Variants in ACOT12 observed in about 807,000 individuals in gnomAD.
ACOT12 encodes acetyl-coenzyme A thioesterase.
A neutral mutation model predicts 67.7 loss-of-function variants in ACOT12; 51 were observed. The observed-to-expected ratio is 0.75, with a 90% CI of 0.60 to 0.95. ACOT12 has a LOEUF of 0.95. Ranked by LOEUF, ACOT12 falls within the 40% of genes least tolerant of loss-of-function variation. The pLI is 0.00. For synonymous variants in ACOT12, 251 were observed against 244.6 expected (o/e 1.03, Z -0.24); for missense variants, 734 against 708.1 (o/e 1.04, Z -0.41).
chr5:81,346,804 C>T (rs918697289), intron 6 of ACOT12, among the ~76,000 whole-genome samples: 1 of 152,024 alleles, frequency 6.6e-6, no homozygotes, highest in Admixed American at 6.6e-5. Flanking sequence ...TAACTATAGA[C>T]ATATTAATAA....
intron 7 of ACOT12, 92 bp from the exon 8 acceptor site, chr5:81,345,133 C>A: frequency 9.1e-7 from 1 of 1,100,806 alleles, no homozygotes; most frequent in Non-Finnish European, 1.3e-6. Flanking sequence ...CCCACCGCTG[C>A]CACCTCCTCT....
rs562823451 is a variant in ACOT12, at chr5:81,394,106, C to G, written c.9G>C (p.Arg3=). The G allele has an allele frequency of 2.1e-6, 3 of 1,451,874 alleles. No individual in the cohort carries two copies. The highest frequency in any genetic ancestry group is 2.9e-5 in the African/African-American group (2 of 68,258). The allele number at this position is 1,451,874 out of a possible 1,614,324, so 89.9% of individuals were successfully genotyped here. ME[R]PAPGEVVMSQ... is the part of the protein sequence containing the mutation. The stretch of plus-strand genomic sequence containing the variant: ...TCATGACCACCTCGCCGGGCGCCGG[C>G]CGCTCCATGGCCAGGGCGAGAGCGC... Residue 3 remains arginine, a synonymous_variant, in exon 1 of 15, where the codon CGG becomes CGC. Coordinates refer to ENST00000307624, the MANE Select transcript of ACOT12 (RefSeq NM_130767.3).
In ACOT12 at chr5:81,367,443, G is replaced by A. The variant is rs369416083; in HGVS notation, c.259-3554C>T. ...CAAAGGCTGGGACATGGGAAGGGAA[G>A]TGTGTGTACTGTTATAAGGTTATTA... On this transcript the variant is annotated intron_variant, in intron 3 of 14. Coordinates refer to ENST00000307624, the MANE Select transcript of ACOT12 (RefSeq NM_130767.3). Among the ~76,000 whole-genome samples the A allele has an allele frequency of 1.0e-3, 158 of 152,290 alleles. 3 individuals are homozygous for A. In the South Asian group the frequency reaches 0.032, roughly 30 times the overall value.
intron 5 of ACOT12, among the ~76,000 whole-genome samples, chr5:81,352,777 G>A (rs62365872): frequency 2.1e-3 from 325 of 152,128 alleles, no homozygotes; most frequent in Non-Finnish European, 3.7e-3. Flanking sequence ...TGAAGGAGTG[G>A]ATACCCCATT....
rs1261302303 is a variant in ACOT12, at chr5:81,330,925, C to T, written c.1407G>A (p.Val469=). The change falls in exon 14 of 15, where the codon GTG becomes GTA. Residue 469 remains valine (V), a synonymous_variant. Transcript: ENST00000307624. ...ATGGCAAAATGACCGACTTCACTGC[C>T]ACTGTGTAAGTGTTACTGAAAGAAA... ...KPLKDGNTYT[V]AVKSVILPSV... is the part of the protein sequence containing the mutation. 4.3e-6 allele frequency: 7 copies of T among 1,611,252 alleles called. No individual in the cohort carries two copies. The African/African-American group carries it at 6.7e-5, about 15-fold the overall frequency.
At chr5:81,357,006 A>T (rs995340372) in intron 5 of ACOT12, among the ~76,000 whole-genome samples, 1 of 150,514 alleles carries the variant, frequency 6.6e-6, no homozygotes, top group Admixed American at 6.6e-5. Flanking sequence ...ACACAATCCT[A>T]CCTTCTTCCT....
At chr5:81,313,096 C>A in the ACOT12 span, 1 of 152,266 alleles carries the variant, frequency 6.6e-6, no homozygotes, top group South Asian at 2.1e-4. Flanking sequence ...GCTAGAAAGT[C>A]TATATTTTTA....
At chr5:81,342,797 A>G in intron 10 of ACOT12, 42 bp from the exon 11 acceptor site, 3 of 1,579,200 alleles carry the variant, frequency 1.9e-6, no homozygotes, top group Non-Finnish European at 2.6e-6. Flanking sequence ...TGTGTTCAAT[A>G]CATGGATGTG....
At chr5:81,316,154 T>G in the ACOT12 span, among the ~76,000 whole-genome samples, 1 of 152,220 alleles carries the variant, frequency 6.6e-6, no homozygotes, top group Non-Finnish European at 1.5e-5. Context: ...CTAACAGCTT[T>G]ATTGAGATAT....
intron 11 of ACOT12, among the ~76,000 whole-genome samples, chr5:81,337,960 C>T (rs1759056090): frequency 6.6e-6 from 1 of 152,224 alleles, no homozygotes; most frequent in African/African-American, 2.4e-5. Context: ...GCTCACTTGA[C>T]TTATCCAATG....
intron 7 of ACOT12, 45 bp downstream of exon 7, chr5:81,345,840 G>C (rs1456348238): frequency 9.9e-6 from 16 of 1,608,238 alleles, no homozygotes; most frequent in Non-Finnish European, 1.4e-5. Flanking sequence ...AATTACATTT[G>C]TGCAAGTTTA....
At chr5:81,337,985 G>A (rs959715275) in intron 11 of ACOT12, among the ~76,000 whole-genome samples, 4 of 152,174 alleles carry the variant, frequency 2.6e-5, no homozygotes, top group African/African-American at 9.7e-5. Context: ...GTACAGTACT[G>A]GATGAGCAAA....
intron 7 of ACOT12, among the ~76,000 whole-genome samples, chr5:81,345,276 C>T (rs1168667444): frequency 6.6e-6 from 1 of 152,166 alleles, no homozygotes; most frequent in Non-Finnish European, 1.5e-5. Flanking sequence ...TACTTCCCCA[C>T]TTTCAAGTGG....
At position 81,383,159 on chromosome 5, in the gene ACOT12, C is replaced by T. The variant is rs144830026; in HGVS notation, c.197+2598G>A. On this transcript the variant is annotated intron_variant, in intron 2 of 14. Transcript: ENST00000307624. ...CATGTAATCCCAGCACTGTGGATCA[C>T]CTGAGGTCAGGAGTTTGAGACCAGC... Among the ~76,000 whole-genome samples, 921 of 152,214 alleles carry T rather than the reference C, an allele frequency of 6.1e-3. 2 individuals carry two copies. Among genetic ancestry groups the T allele is most frequent in the African/African-American group, 0.012 (515 of 41,554 alleles).
At chr5:81,375,344 C>T (rs1012004271) in intron 2 of ACOT12, among the ~76,000 whole-genome samples, 1 of 152,014 alleles carries the variant, frequency 6.6e-6, no homozygotes, top group Non-Finnish European at 1.5e-5. Context: ...GAAGGAAGCA[C>T]CAAACATGGA....
At chr5:81,315,778 G>A in the ACOT12 span, among the ~76,000 whole-genome samples, 1 of 152,160 alleles carries the variant, frequency 6.6e-6, no homozygotes, top group Admixed American at 6.5e-5. Flanking sequence ...CTGAAGCCTA[G>A]AGAAGGGCCA....
At chr5:81,359,729 GT>G in intron 5 of ACOT12, 173 bp downstream of exon 5, 1 of 622,904 alleles carries the variant, frequency 1.6e-6, no homozygotes, top group Non-Finnish European at 2.6e-6. Flanking sequence ...GGTGTCAGCA[GT>G]TACATTCTCA....
rs537464977 is a variant in ACOT12, at chr5:81,358,838, A to G, written c.496+1065T>C. ...CACTCCAGCCTGGGCAACAAGAGCGAAACTCTGTCTCAAAGAAAAAAAAAA... is the reference window on the plus strand; with the variant it reads ...CACTCCAGCCTGGGCAACAAGAGCGGAACTCTGTCTCAAAGAAAAAAAAAA... On this transcript the variant is annotated intron_variant, in intron 5 of 14. Transcript: ENST00000307624. 2.5e-4 allele frequency among the ~76,000 whole-genome samples: 37 copies of G among 148,800 alleles called. No individual in the cohort carries two copies. In the East Asian group the frequency reaches 6.6e-3, roughly 26 times the overall value.
rs140191267 is a variant in ACOT12 at position 81,365,721 on chromosome 5, C to T, written c.259-1832G>A. On this transcript the variant is annotated intron_variant, in intron 3 of 14. Coordinates refer to ENST00000307624, the MANE Select transcript of ACOT12 (RefSeq NM_130767.3). Reference sequence around the variant, plus strand: ...TTCACACCTACGAAAATAGGCAACACAGGACTGTGATCCCCAAGGCGGGAA... The same window carrying T: ...TTCACACCTACGAAAATAGGCAACATAGGACTGTGATCCCCAAGGCGGGAA... Among the ~76,000 whole-genome samples, 1,469 of 152,282 alleles carry T rather than the reference C, an allele frequency of 9.6e-3. 36 individuals carry two copies. Among genetic ancestry groups the T allele is most frequent in the African/African-American group, 0.033 (1,355 of 41,552 alleles).
Sources: allele counts gnomAD v4.1 joint callset (sites outside exome capture counted in the v4.1 genomes callset), GRCh38; gene constraint gnomAD v4.1.1; transcripts MANE v1.5; gene names NCBI Gene and HGNC (gene_info 2026-07-23, HGNC 2026-07-21).